Variants in ITSN2 observed in about 807,000 individuals in gnomAD.
The protein encoded by ITSN2 is intersectin-2.
A neutral mutation model predicts 243.7 loss-of-function variants in ITSN2; 156 were observed. The observed-to-expected ratio is 0.64, with a 90% CI of 0.56 to 0.73. The LOEUF (loss-of-function observed/expected upper bound fraction) is 0.73. ITSN2 is among the 30% of genes least tolerant of loss of function. The pLI, the probability that ITSN2 is intolerant of heterozygous loss-of-function variation, is 0.00. For missense variants in ITSN2, 1,801 were observed against 1,996.1 expected, an observed-to-expected ratio of 0.90 and a Z score of 1.86; for synonymous variants, 703 against 699.9, an observed-to-expected ratio of 1.00 and a Z score of -0.07.
At chr2:24,356,337 C>A (rs1388328099) in intron 1 of ITSN2, among the ~76,000 whole-genome samples, 1 of 127,298 alleles carries the variant, frequency 7.9e-6, no homozygotes, top group African/African-American at 3.1e-5. Flanking sequence ...CAGAGCAAGA[C>A]CCTGTCTCAA....
intron 23 of ITSN2, 46 bp from the exon 24 acceptor site, chr2:24,254,477 G>A (rs1369936664): frequency 6.9e-7 from 1 of 1,452,472 alleles, no homozygotes; most frequent in South Asian, 1.1e-5. Flanking sequence ...ACAAATACAA[G>A]CAAAAATAAG....
intron 1 of ITSN2, among the ~76,000 whole-genome samples, chr2:24,354,581 A>G (rs1372016695): frequency 2.0e-5 from 3 of 152,210 alleles, no homozygotes; most frequent in African/African-American, 7.2e-5. Flanking sequence ...GAACTAGCTA[A>G]TATTTCCCCA....
At chr2:24,251,181 C>T (rs1000778211) in intron 25 of ITSN2, among the ~76,000 whole-genome samples, 2 of 149,394 alleles carry the variant, frequency 1.3e-5, no homozygotes, top group Non-Finnish European at 3.0e-5. Flanking sequence ...AAAAATTAGC[C>T]AGGCATGGTA....
At chr2:24,292,258 T>A (rs528520013) in intron 15 of ITSN2, among the ~76,000 whole-genome samples, 12 of 152,294 alleles carry the variant, frequency 7.9e-5, no homozygotes, top group Non-Finnish European at 1.6e-4. Context: ...AGAGAAAGAA[T>A]AGCCCCATCA....
intron 18 of ITSN2, among the ~76,000 whole-genome samples, chr2:24,272,727 G>T (rs183706296): frequency 6.6e-6 from 1 of 152,136 alleles, no homozygotes; most frequent in Admixed American, 6.5e-5. Flanking sequence ...GAGCCACTGC[G>T]CCCAGTCTAC....
At chr2:24,317,464 G>A (rs1361092278) in intron 2 of ITSN2, among the ~76,000 whole-genome samples, 1 of 152,158 alleles carries the variant, frequency 6.6e-6, no homozygotes, top group Non-Finnish European at 1.5e-5. Flanking sequence ...AAAGCTACTG[G>A]ATCAATGAAG....
intron 1 of ITSN2, among the ~76,000 whole-genome samples, chr2:24,356,176 T>C (rs2151954640): frequency 7.1e-6 from 1 of 140,732 alleles, no homozygotes; most frequent in South Asian, 2.3e-4. Flanking sequence ...CACTCCAGCC[T>C]GGGGGACAAG....
intron 17 of ITSN2, among the ~76,000 whole-genome samples, chr2:24,279,025 A>G (rs1388997545): frequency 3.3e-5 from 5 of 152,342 alleles, no homozygotes; most frequent in East Asian, 3.9e-4. Flanking sequence ...TAGTTTGCTA[A>G]TAAGTTTTAC....
intron 17 of ITSN2, among the ~76,000 whole-genome samples, chr2:24,282,139 C>T (rs538879239): frequency 6.6e-6 from 1 of 152,228 alleles, no homozygotes; most frequent in Non-Finnish European, 1.5e-5. Flanking sequence ...TGCCACGCCA[C>T]CATCCTGTGC....
At position 24,216,198 on chromosome 2, in the gene ITSN2, T is replaced by C; in HGVS notation, c.3841A>G (p.Lys1281Glu). 1 of 1,608,768 alleles carries C rather than the reference T, an allele frequency of 6.2e-7. No homozygotes were observed. The highest frequency in any genetic ancestry group is 1.1e-5 in the South Asian group (1 of 90,348). The change falls in exon 32 of 40, where the codon AAG becomes GAG. Residue 1281 changes from lysine (K) to glutamate (E), a missense_variant. By Grantham distance (56) the Lys-to-Glu change is moderately conservative (BLOSUM62 1). Transcript: ENST00000355123. ...LRVRKKTGGE[K>E]MPVQMIGDIL... The stretch of plus-strand genomic sequence containing the variant: ...TCCCCAATCATCTGCACCGGCATCT[T>C]CTCGCCCCCGGTCTTCTTCCGCACC...
At chr2:24,242,769 C>CTT (rs1672879823) in intron 29 of ITSN2, among the ~76,000 whole-genome samples, 1 of 152,026 alleles carries the variant, frequency 6.6e-6, no homozygotes, top group South Asian at 2.1e-4. Context: ...CTTAGAATTA[C>CTT]AGAATTGAGA....
chr2:24,288,267 G>A (rs1679771861), intron 15 of ITSN2, among the ~76,000 whole-genome samples: 1 of 152,034 alleles, frequency 6.6e-6, no homozygotes, highest in South Asian at 2.1e-4. Flanking sequence ...ATTTATCGAA[G>A]AGGCTACCTT....
chr2:24,239,056 A>G (rs1443058876), intron 29 of ITSN2: 3 of 152,528 alleles, frequency 2.0e-5, no homozygotes, highest in Non-Finnish European at 2.9e-5. Context: ...CTTTAATACT[A>G]TAATTTTCAA....
In ITSN2 at chr2:24,312,203, C is replaced by T. The variant is rs200528926; in HGVS notation, c.352+9G>A. 2.8e-5 allele frequency: 45 copies of T among 1,594,650 alleles called. No homozygotes were observed. The African/African-American group carries it at 5.4e-4, about 19-fold the overall frequency. ...GCAAATACAGGTATTTAAATTAATACATACTTACCAAAACGAGCAGAAATT... is the reference window on the plus strand; with the variant it reads ...GCAAATACAGGTATTTAAATTAATATATACTTACCAAAACGAGCAGAAATT... On this transcript the variant is annotated intron_variant, in intron 5 of 39. Transcript: ENST00000355123.
chr2:24,338,294 A>AT (rs1364736730), intron 1 of ITSN2, among the ~76,000 whole-genome samples: 1 of 152,204 alleles, frequency 6.6e-6, no homozygotes, highest in African/African-American at 2.4e-5. Context: ...AAATTTTTAA[A>AT]TCTACCTATA....
At chr2:24,272,111 A>G (rs1677435302) in intron 18 of ITSN2, among the ~76,000 whole-genome samples, 170 bp from the exon 19 acceptor site, 1 of 152,208 alleles carries the variant, frequency 6.6e-6, no homozygotes, top group Non-Finnish European at 1.5e-5. Flanking sequence ...AAATCAATCA[A>G]TCAATCAAGA....
intron 15 of ITSN2, among the ~76,000 whole-genome samples, chr2:24,292,781 C>A (rs1286429253): frequency 6.6e-6 from 1 of 152,226 alleles, no homozygotes; most frequent in Non-Finnish European, 1.5e-5. Flanking sequence ...ATAAACCACA[C>A]TGCCTAGAAT....
chr2:24,356,211 A>AG (rs1287758825), intron 1 of ITSN2, among the ~76,000 whole-genome samples: 1 of 150,952 alleles, frequency 6.6e-6, no homozygotes, highest in East Asian at 1.9e-4. Flanking sequence ...TCAAAAAAAA[A>AG]AAAAATAGCT....
chr2:24,256,011 C>T (rs1674988260), intron 23 of ITSN2, among the ~76,000 whole-genome samples: 6 of 151,950 alleles, frequency 3.9e-5, no homozygotes, highest in Admixed American at 3.9e-4. Context: ...TGAGATCGGG[C>T]CATTGCACTC....
Sources: gnomAD v4.1 joint callset for allele counts (sites outside exome capture counted in the v4.1 genomes callset) on GRCh38, gnomAD v4.1.1 for gene constraint, MANE v1.5 for transcripts, NCBI Gene and HGNC (gene_info 2026-07-23, HGNC 2026-07-21) for gene names.